Variants in KCNB2 observed in about 807,000 individuals in gnomAD.
The protein encoded by KCNB2 is delayed rectifier potassium channel protein.
KCNB2 carries 15 observed loss-of-function variants against 61.5 expected under a neutral mutation model. The ratio of observed to expected loss-of-function variants is 0.24; its 90% confidence interval spans 0.16 to 0.38. KCNB2 has a LOEUF of 0.38. Ranked by LOEUF, KCNB2 falls within the 10% of genes least tolerant of loss-of-function variation. The pLI is 1.00. For synonymous variants in KCNB2, 457 were observed against 446.0 expected (o/e 1.02, Z -0.31); for missense variants, 828 against 1,125.2 (o/e 0.74, Z 3.78).
chr8:72,700,327 C>A (rs1003008667), intron 2 of KCNB2, among the ~76,000 whole-genome samples: 1 of 151,954 alleles, frequency 6.6e-6, no homozygotes, highest in East Asian at 1.9e-4. Context: ...CAAACCTGCA[C>A]GTTCTGCACA....
chr8:72,580,513 A>G (rs1036520233), intron 2 of KCNB2, among the ~76,000 whole-genome samples: 1 of 152,166 alleles, frequency 6.6e-6, no homozygotes, highest in Admixed American at 6.5e-5. Flanking sequence ...AAATCATCTT[A>G]TACCGTACCC....
intron 2 of KCNB2, among the ~76,000 whole-genome samples, chr8:72,652,787 A>C (rs923375767): frequency 6.6e-6 from 1 of 152,112 alleles, no homozygotes; most frequent in Non-Finnish European, 1.5e-5. Flanking sequence ...TGGACATTGC[A>C]AGCTTATTTT....
chr8:72,891,653 C>T (rs1270771645), intron 2 of KCNB2, among the ~76,000 whole-genome samples: 1 of 152,178 alleles, frequency 6.6e-6, no homozygotes, highest in East Asian at 1.9e-4. Flanking sequence ...GAAGAAATTA[C>T]TAAATGGATG....
chr8:72,835,839 T>G (rs929079467), intron 2 of KCNB2, among the ~76,000 whole-genome samples: 2 of 152,216 alleles, frequency 1.3e-5, no homozygotes, highest in Non-Finnish European at 2.9e-5. Flanking sequence ...ATCCTACTGA[T>G]GCTCATTACA....
intron 2 of KCNB2, among the ~76,000 whole-genome samples, chr8:72,583,417 A>G (rs145809827): frequency 6.6e-6 from 1 of 151,898 alleles, no homozygotes; most frequent in African/African-American, 2.4e-5. Context: ...TCTGTTTTTG[A>G]GTTTTTAGTA....
intron 2 of KCNB2, among the ~76,000 whole-genome samples, chr8:72,787,221 C>A (rs1808857224): frequency 6.6e-6 from 1 of 151,866 alleles, no homozygotes; most frequent in Non-Finnish European, 1.5e-5. Flanking sequence ...ATAGAAAGAT[C>A]CCGTCTCTAT....
intron 2 of KCNB2, among the ~76,000 whole-genome samples, chr8:72,643,240 G>A (rs750923994): frequency 1.3e-5 from 2 of 152,144 alleles, no homozygotes; most frequent in African/African-American, 2.4e-5. Flanking sequence ...GAAGGAAGTG[G>A]CCATTATCGA....
intron 2 of KCNB2, among the ~76,000 whole-genome samples, chr8:72,791,537 G>T (rs930330973): frequency 1.3e-5 from 2 of 152,122 alleles, no homozygotes; most frequent in Non-Finnish European, 2.9e-5. Context: ...TGACACAGGT[G>T]AGACTCTGTC....
intron 2 of KCNB2, among the ~76,000 whole-genome samples, chr8:72,906,246 G>T (rs1806174467): frequency 6.6e-6 from 1 of 152,100 alleles, no homozygotes; most frequent in East Asian, 1.9e-4. Context: ...ATTTCTGATG[G>T]TTTAATTTAT....
At chr8:72,927,489 T>C (rs991568705) in intron 2 of KCNB2, among the ~76,000 whole-genome samples, 4 of 152,180 alleles carry the variant, frequency 2.6e-5, no homozygotes, top group African/African-American at 9.7e-5. Context: ...CAGGCTGGTC[T>C]TGAACTCCTG....
intron 2 of KCNB2, among the ~76,000 whole-genome samples, chr8:72,885,258 A>G (rs1805784382): frequency 1.3e-5 from 2 of 152,156 alleles, no homozygotes; most frequent in Non-Finnish European, 2.9e-5. Context: ...CATTATATTC[A>G]TTAGTGAGAA....
intron 2 of KCNB2, among the ~76,000 whole-genome samples, chr8:72,832,144 A>C (rs1453485193): frequency 1.3e-5 from 2 of 152,228 alleles, no homozygotes; most frequent in East Asian, 3.8e-4. Context: ...ATGCTGTAGG[A>C]GTGAAGGATA....
chr8:72,815,130 T>C (rs551549438), intron 2 of KCNB2, among the ~76,000 whole-genome samples: 10 of 152,244 alleles, frequency 6.6e-5, no homozygotes, highest in African/African-American at 2.4e-4. Flanking sequence ...GCTACCCAGG[T>C]AAAAGTGGCA....
chr8:72,900,277 A>G (rs1806066711), intron 2 of KCNB2, among the ~76,000 whole-genome samples: 2 of 152,212 alleles, frequency 1.3e-5, no homozygotes, highest in Admixed American at 1.3e-4. Context: ...TGTTTCAGGG[A>G]TAACTGACTA....
At chr8:72,836,788 G>A (rs1019749936) in intron 2 of KCNB2, among the ~76,000 whole-genome samples, 1 of 152,132 alleles carries the variant, frequency 6.6e-6, no homozygotes, top group African/African-American at 2.4e-5. Context: ...GCACATACCT[G>A]TAGTCCCAGC....
chr8:72,938,276 C>G lies in KCNB2; in HGVS notation c.*185C>G, dbSNP rs536327950. 3.9e-5 allele frequency: 21 copies of G among 542,818 alleles called. No individual in the cohort carries two copies. The highest frequency in any genetic ancestry group is 3.3e-4 in the Admixed American group (9 of 27,256). 33.6% of individuals were successfully genotyped at this position (542,818 alleles called of 1,614,324 possible). ...GTACTGTTTAAATAATGAGTCAAGA[C>G]TGCATTTTGTAACAAACCAACAAAA... is the stretch of plus-strand genomic sequence containing the variant. On this transcript the variant is annotated 3_prime_UTR_variant, in exon 3 of 3. Coordinates refer to ENST00000523207, the MANE Select transcript of KCNB2 (RefSeq NM_004770.3).
chr8:72,765,313 T>C (rs1315336603), intron 2 of KCNB2, among the ~76,000 whole-genome samples: 3 of 152,226 alleles, frequency 2.0e-5, no homozygotes, highest in Non-Finnish European at 4.4e-5. Flanking sequence ...TCCATTTGTG[T>C]GCTGTGTTGA....
At chr8:72,869,847 T>G (rs1436481215) in intron 2 of KCNB2, among the ~76,000 whole-genome samples, 1 of 152,146 alleles carries the variant, frequency 6.6e-6, no homozygotes, top group Non-Finnish European at 1.5e-5. Context: ...TGAGTTGATA[T>G]CCAAAAGAAT....
At chr8:72,720,177 C>T (rs1457140075) in intron 2 of KCNB2, among the ~76,000 whole-genome samples, 1 of 152,116 alleles carries the variant, frequency 6.6e-6, no homozygotes, top group Non-Finnish European at 1.5e-5. Context: ...ATGACTAAGT[C>T]CCGATCTCTC....
Sources: gnomAD v4.1 joint callset for allele counts (sites outside exome capture counted in the v4.1 genomes callset) on GRCh38, gnomAD v4.1.1 for gene constraint, MANE v1.5 for transcripts, NCBI Gene and HGNC (gene_info 2026-07-23, HGNC 2026-07-21) for gene names.